The following SLCO3A1 variants were observed in gnomAD, a reference collection of about 807,000 sequenced individuals.
The protein encoded by SLCO3A1 is solute carrier organic anion transporter family member 3A1, also known as PGE1 transporter.
SLCO3A1 carries 27 observed loss-of-function variants against 63.1 expected under a neutral mutation model. The ratio of observed to expected loss-of-function variants is 0.43; its 90% CI spans 0.32 to 0.59. The LOEUF is 0.59. Ranked by LOEUF, SLCO3A1 falls within the 20% of genes least tolerant of loss-of-function variation. The pLI, the probability that SLCO3A1 is intolerant of heterozygous loss-of-function variation, is 0.09. For synonymous variants in SLCO3A1, 473 were observed against 409.9 expected (o/e 1.15, Z -1.86); for missense variants, 773 against 945.8 (o/e 0.82, Z 2.40).
chr15:91,871,786 G>GTTT (rs1897288157), intron 1 of SLCO3A1, among the ~76,000 whole-genome samples: 1 of 11,892 alleles, frequency 8.4e-5, no homozygotes, highest in African/African-American at 2.7e-4. Flanking sequence ...TTTTTTTTTT[G>GTTT]GCTGATAAGT....
chr15:92,074,138 T>C (rs1271133798), intron 2 of SLCO3A1, among the ~76,000 whole-genome samples: 1 of 152,230 alleles, frequency 6.6e-6, no homozygotes, highest in African/African-American at 2.4e-5. Context: ...CCCAGTGTAC[T>C]CCAGCCTGGG....
At position 91,863,999 on chromosome 15, in the gene SLCO3A1, C is replaced by T. The variant is rs1897107019; in HGVS notation, c.180+9911C>T. On this transcript the variant is annotated intron_variant, in intron 1 of 9. Coordinates refer to ENST00000318445, the MANE Select transcript of SLCO3A1 (RefSeq NM_013272.4). This position sits in a 1 kb window ranked among gnomAD's most constrained non-coding sequence, Gnocchi z 4.3. ...AGATGCATATAAATAGATCAAAAAG[C>T]CAGTGAGCAGTTTTGCAGCTTTGCA... Among the ~76,000 whole-genome samples the T allele has an allele frequency of 6.6e-6, 1 of 152,228 alleles. No individual in the cohort carries two copies. Among genetic ancestry groups the T allele is most frequent in the African/African-American group, 2.4e-5 (1 of 41,454 alleles).
rs2047949848 is a variant in SLCO3A1, at chr15:92,128,293, G to A, written c.1374-58G>A. 5 of 1,605,408 alleles carry A rather than the reference G, an allele frequency of 3.1e-6. No individual in the cohort carries two copies. The East Asian group carries it at 1.1e-4, about 36-fold the overall frequency. ...CAGAGGCAAAAGGCTGTCACTGGGGGCATCTGATTCCGAATTGACCTGTTT... is the reference window on the plus strand; with the variant it reads ...CAGAGGCAAAAGGCTGTCACTGGGGACATCTGATTCCGAATTGACCTGTTT... On this transcript the variant is annotated intron_variant, in intron 6 of 9. Transcript: ENST00000318445.
chr15:92,066,374 G>T (rs2047151911), intron 2 of SLCO3A1, among the ~76,000 whole-genome samples: 1 of 152,200 alleles, frequency 6.6e-6, no homozygotes, highest in Non-Finnish European at 1.5e-5. Flanking sequence ...AAATTGTTGT[G>T]CTGTTTCTGG....
At chr15:92,140,557 A>T (rs1237150600) in intron 7 of SLCO3A1, among the ~76,000 whole-genome samples, 6 of 152,142 alleles carry the variant, frequency 3.9e-5, no homozygotes, top group East Asian at 1.9e-4. Flanking sequence ...CTCGTTGATC[A>T]GTCTAATGTT....
rs1457524194 is a variant in SLCO3A1, at chr15:91,954,582, G to A, written c.646+38124G>A. Among the ~76,000 whole-genome samples the A allele has an allele frequency of 1.3e-5, 2 of 151,912 alleles. No individual in the cohort carries two copies. The highest frequency in any genetic ancestry group is 2.9e-5 in the Non-Finnish European group (2 of 68,030). Reference sequence around the variant, plus strand: ...CTGAGAAGTGAATCCAGGCGCAGAAGGAAGAGGAAGTGGAAGTTGGTGGGG... The same window carrying A: ...CTGAGAAGTGAATCCAGGCGCAGAAAGAAGAGGAAGTGGAAGTTGGTGGGG... On this transcript the variant is annotated intron_variant, in intron 2 of 9. Coordinates refer to ENST00000318445, the MANE Select transcript of SLCO3A1 (RefSeq NM_013272.4). The surrounding 1 kb of genome is among the most constrained non-coding windows in gnomAD (Gnocchi z 4.7).
chr15:91,870,629 T>C (rs1180985753), intron 1 of SLCO3A1, among the ~76,000 whole-genome samples: 1 of 152,258 alleles, frequency 6.6e-6, no homozygotes, highest in Non-Finnish European at 1.5e-5. Context: ...TGCAGTGAAT[T>C]CTCTGCTGTA....
intron 2 of SLCO3A1, among the ~76,000 whole-genome samples, chr15:91,965,405 C>G (rs1248486242): frequency 1.3e-5 from 2 of 152,210 alleles, no homozygotes; most frequent in Non-Finnish European, 2.9e-5. Context: ...ACTTTTAAAA[C>G]TAGACCTGAC....
chr15:91,910,903 C>T (rs567486682), intron 1 of SLCO3A1, among the ~76,000 whole-genome samples: 1 of 152,346 alleles, frequency 6.6e-6, no homozygotes, highest in South Asian at 2.1e-4. Context: ...CCACCCAGAC[C>T]AGAGTGAGAA....
At chr15:92,157,608 A>G (rs2048388287) in intron 9 of SLCO3A1, among the ~76,000 whole-genome samples, 1 of 151,646 alleles carries the variant, frequency 6.6e-6, no homozygotes, top group Admixed American at 6.6e-5. Context: ...CTCCTGCCTC[A>G]GCCTCCCGGG....
At chr15:91,858,677 C>T (rs1236876256) in intron 1 of SLCO3A1, among the ~76,000 whole-genome samples, 1 of 152,222 alleles carries the variant, frequency 6.6e-6, no homozygotes, top group African/African-American at 2.4e-5. Flanking sequence ...ATTTGCAGCT[C>T]ATCTTGGGTG....
intron 1 of SLCO3A1, among the ~76,000 whole-genome samples, chr15:91,870,755 C>T (rs192160035): frequency 7.9e-5 from 12 of 152,216 alleles, no homozygotes; most frequent in Admixed American, 7.2e-4. Context: ...TTTAGCTTTC[C>T]TCTAGTCAGA....
In SLCO3A1 at chr15:91,916,451, C is replaced by T. The variant is rs1293126256; in HGVS notation, c.639C>T (p.Leu213=). 4 of 1,604,064 alleles carry T rather than the reference C, an allele frequency of 2.5e-6. No individual in the cohort carries two copies. In the Admixed American group the frequency reaches 5.1e-5, roughly 21 times the overall value. Residue 213 remains leucine, a synonymous_variant, in exon 2 of 10, where the codon CTC becomes CTT. Transcript: ENST00000318445. The surrounding 1 kb of genome is among the most constrained non-coding windows in gnomAD (Gnocchi z 6.2). The part of the protein sequence containing the change: ...DDHVRRKDSS[L]YIGILFTMLV... ...ACGTGCGGAGGAAGGACTCCTCGCTCTATATAGGTAGGAGCTGCCCCAGCC... is the reference window on the plus strand; with the variant it reads ...ACGTGCGGAGGAAGGACTCCTCGCTTTATATAGGTAGGAGCTGCCCCAGCC...
At chr15:92,157,917 A>T (rs772135564) in intron 9 of SLCO3A1, among the ~76,000 whole-genome samples, 4 of 152,198 alleles carry the variant, frequency 2.6e-5, no homozygotes, top group Non-Finnish European at 4.4e-5. Flanking sequence ...AGTTGTGTGA[A>T]TCACACAGTT....
chr15:91,904,138 CCCACGTT>C (rs1898232518), intron 1 of SLCO3A1, among the ~76,000 whole-genome samples: 1 of 148,804 alleles, frequency 6.7e-6, no homozygotes, highest in African/African-American at 2.5e-5. Context: ...TGAAGAGGGT[CCCACGTT>C]TAGCTTCAGC....
At chr15:92,039,605 T>C (rs2151486420) in intron 2 of SLCO3A1, among the ~76,000 whole-genome samples, 1 of 152,346 alleles carries the variant, frequency 6.6e-6, no homozygotes, top group Admixed American at 6.5e-5. Context: ...GTAACACTTT[T>C]ACACTGTTGG....
chr15:92,160,669 G>A lies in SLCO3A1; in HGVS notation c.1754-2087G>A, dbSNP rs144075918. Among the ~76,000 whole-genome samples the A allele has an allele frequency of 2.7e-3, 408 of 152,236 alleles. 2 individuals are homozygous for A. Among genetic ancestry groups the A allele is most frequent in the African/African-American group, 9.4e-3 (392 of 41,548 alleles). On this transcript the variant is annotated intron_variant, in intron 9 of 9. Transcript: ENST00000318445. ...CTCTTTGGGGTATCAAGCAGCGGAG[G>A]TGAAGAGTTCCAAGGAGAAGTACAG...
At position 91,948,454 on chromosome 15, in the gene SLCO3A1, G is replaced by A. The variant is rs576326048; in HGVS notation, c.646+31996G>A. Among the ~76,000 whole-genome samples, 1 of 152,336 alleles carries A rather than the reference G, an allele frequency of 6.6e-6. No individual in the cohort carries two copies. Among genetic ancestry groups the A allele is most frequent in the East Asian group, 1.9e-4 (1 of 5,190 alleles). On this transcript the variant is annotated intron_variant, in intron 2 of 9. Coordinates refer to ENST00000318445, the MANE Select transcript of SLCO3A1 (RefSeq NM_013272.4). The surrounding 1 kb of genome is among the most constrained non-coding windows in gnomAD (Gnocchi z 4.8). ...CTGTAGGAGTGCCGGCATGCACACA[G>A]CACCACCTGGGTGGAAAGCAGCAGT...
chr15:92,049,739 A>G (rs2046934399), intron 2 of SLCO3A1, among the ~76,000 whole-genome samples: 1 of 152,212 alleles, frequency 6.6e-6, no homozygotes, highest in Non-Finnish European at 1.5e-5. Flanking sequence ...TAACAGCAGC[A>G]GTGGCCAGTT....
Sources: gnomAD v4.1 joint callset for allele counts (sites outside exome capture counted in the v4.1 genomes callset) on GRCh38, gnomAD v4.1.1 for gene constraint, Gnocchi (gnomAD v3.1) non-coding constraint, MANE v1.5 for transcripts, NCBI Gene and HGNC (gene_info 2026-07-23, HGNC 2026-07-21) for gene names.